The following AFF1 variants were observed in gnomAD, a reference collection of about 807,000 sequenced individuals.
AFF1 encodes the protein AF4/FMR2 family member 1.
AFF1 carries 48 observed loss-of-function variants against 121.7 expected under a neutral mutation model. That is an observed-to-expected ratio of 0.39 (90% confidence interval 0.31 to 0.50). The LOEUF is 0.50. Among genes scored for constraint, AFF1 ranks in the 20% least tolerant of loss-of-function variants. The pLI is 0.76. For synonymous variants in AFF1, 613 were observed against 563.0 expected, an observed-to-expected ratio of 1.09 and a Z score of -1.26; for missense variants, 1,523 against 1,511.7, an observed-to-expected ratio of 1.01 and a Z score of -0.12.
chr4:87,037,567 C>A (rs1432629077), intron 2 of AFF1, among the ~76,000 whole-genome samples: 2 of 152,148 alleles, frequency 1.3e-5, no homozygotes, highest in African/African-American at 4.8e-5. Context: ...CCCGCCTCGG[C>A]CTCCCAAAGT....
At chr4:86,939,987 C>A (rs1175292688) in intron 1 of AFF1, among the ~76,000 whole-genome samples, 2 of 152,220 alleles carry the variant, frequency 1.3e-5, no homozygotes, top group Non-Finnish European at 2.9e-5. Context: ...ATGCTACCTA[C>A]TAGCTGTCAG....
At chr4:86,955,159 G>A (rs1243146264) in intron 2 of AFF1, among the ~76,000 whole-genome samples, 2 of 152,104 alleles carry the variant, frequency 1.3e-5, no homozygotes, top group Non-Finnish European at 2.9e-5. Flanking sequence ...GCCCTTGCAA[G>A]CTTTGTCTTT....
rs757339594 is a variant in AFF1, at chr4:87,127,594, A to G, written c.2904-49A>G. Reference sequence around the variant, plus strand: ...TCTTGGTCTTATCTTGCCCTAGTCTAGTAATTTTTGGCTCATATGACCTGT... The same window carrying G: ...TCTTGGTCTTATCTTGCCCTAGTCTGGTAATTTTTGGCTCATATGACCTGT... On this transcript the variant is annotated intron_variant, in intron 15 of 20. Transcript: ENST00000395146. 1.9e-6 allele frequency: 3 copies of G among 1,578,124 alleles called. No homozygotes were observed. In the South Asian group the frequency reaches 3.3e-5, roughly 17 times the overall value.
chr4:87,047,711 A>G (rs375521923), intron 4 of AFF1, 117 bp downstream of exon 4: 86 of 1,358,198 alleles, frequency 6.3e-5, no homozygotes, highest in Admixed American at 1.2e-4. Flanking sequence ...GGTAGGGGGA[A>G]TTCTTTTTGG....
At chr4:87,117,527 T>C (rs1471395499) in intron 12 of AFF1, among the ~76,000 whole-genome samples, 1 of 152,184 alleles carries the variant, frequency 6.6e-6, no homozygotes, top group Admixed American at 6.5e-5. Flanking sequence ...GTAATCCTAG[T>C]GCCTATCAGG....
At chr4:87,133,076 C>T (rs1283701282) in intron 19 of AFF1, among the ~76,000 whole-genome samples, 1 of 152,228 alleles carries the variant, frequency 6.6e-6, no homozygotes, top group Non-Finnish European at 1.5e-5. Context: ...AGTCCTTTCT[C>T]TCTCTGTATG....
chr4:86,980,201 G>A (rs1207981366), intron 2 of AFF1, among the ~76,000 whole-genome samples: 1 of 152,090 alleles, frequency 6.6e-6, no homozygotes, highest in Non-Finnish European at 1.5e-5. Flanking sequence ...GTGAGCCACT[G>A]CACCTGGCCC....
intron 2 of AFF1, among the ~76,000 whole-genome samples, chr4:86,955,053 T>C (rs1220484298): frequency 6.6e-6 from 1 of 152,234 alleles, no homozygotes; most frequent in African/African-American, 2.4e-5. Context: ...TTCCACCTTG[T>C]GACTGTCATC....
intron 2 of AFF1, among the ~76,000 whole-genome samples, chr4:86,984,685 C>T (rs889040366): frequency 6.6e-6 from 1 of 152,072 alleles, no homozygotes; most frequent in African/African-American, 2.4e-5. Context: ...CTTGTTATCC[C>T]AGCACTTTGG....
chr4:87,110,024 T>C (rs957111705), intron 11 of AFF1, among the ~76,000 whole-genome samples: 3 of 152,210 alleles, frequency 2.0e-5, no homozygotes, highest in Non-Finnish European at 4.4e-5. Flanking sequence ...ACCTGCATTA[T>C]TATAAATTTC....
chr4:86,947,229 T>C (rs1720931030), intron 1 of AFF1, among the ~76,000 whole-genome samples: 3 of 152,220 alleles, frequency 2.0e-5, no homozygotes, highest in African/African-American at 7.2e-5. Flanking sequence ...CCCTGAAAAG[T>C]AGATCTCTGC....
At chr4:86,963,189 A>G (rs920509629) in intron 2 of AFF1, among the ~76,000 whole-genome samples, 3 of 149,878 alleles carry the variant, frequency 2.0e-5, no homozygotes, top group African/African-American at 7.5e-5. Context: ...AAAAAAAAAA[A>G]AGCATAGATA....
intron 2 of AFF1, among the ~76,000 whole-genome samples, chr4:86,965,741 G>A (rs1262843524): frequency 1.3e-5 from 2 of 152,068 alleles, no homozygotes; most frequent in South Asian, 2.1e-4. Context: ...ATTTGCATAC[G>A]CCTTCCCTTC....
intron 2 of AFF1, among the ~76,000 whole-genome samples, chr4:87,022,206 C>CAAAAAAA (rs11296179): frequency 2.6e-5 from 2 of 76,062 alleles, no homozygotes; most frequent in African/African-American, 1.1e-4. Flanking sequence ...GACTCCATCT[C>CAAAAAAA]AAAAAAAAAA....
intron 8 of AFF1, among the ~76,000 whole-genome samples, chr4:87,095,928 T>A (rs1724789612): frequency 6.6e-6 from 1 of 152,168 alleles, no homozygotes; most frequent in Non-Finnish European, 1.5e-5. Flanking sequence ...CCCAGGAGTT[T>A]AAGCTCCAAC....
At chr4:87,023,582 A>G (rs923667130) in intron 2 of AFF1, among the ~76,000 whole-genome samples, 3 of 152,238 alleles carry the variant, frequency 2.0e-5, no homozygotes, top group Non-Finnish European at 4.4e-5. Context: ...TGGAAATTAA[A>G]AAAAGTGTAG....
intron 12 of AFF1, among the ~76,000 whole-genome samples, chr4:87,121,089 A>G (rs929552943): frequency 7.2e-5 from 11 of 152,170 alleles, no homozygotes; most frequent in African/African-American, 2.2e-4. Context: ...GTGAGGACCA[A>G]TTCGTCAGCC....
At chr4:86,936,347 T>A (rs946156183) in intron 1 of AFF1, 1 of 152,246 alleles carries the variant, frequency 6.6e-6, no homozygotes, top group Non-Finnish European at 1.5e-5. Flanking sequence ...AGACCCAGTG[T>A]TCCCTGGGAC....
chr4:86,956,694 C>T (rs745734962), intron 2 of AFF1, among the ~76,000 whole-genome samples: 22 of 152,180 alleles, frequency 1.4e-4, no homozygotes, highest in Non-Finnish European at 2.2e-4. Flanking sequence ...ATTTTTGTGA[C>T]TGGCTTCTTA....
Sources: allele counts gnomAD v4.1 joint callset (sites outside exome capture counted in the v4.1 genomes callset), GRCh38; gene constraint gnomAD v4.1.1; transcripts MANE v1.5; gene names NCBI Gene and HGNC (gene_info 2026-07-23, HGNC 2026-07-21).